The following PLEKHG4B variants were observed in gnomAD, a reference collection of about 807,000 sequenced individuals.
PLEKHG4B encodes the protein pleckstrin homology and RhoGEF domain containing G4B.
In PLEKHG4B, 111 loss-of-function variants were observed where a neutral mutation model predicts 121.3. The ratio of observed to expected loss-of-function variants is 0.92; its 90% CI spans 0.78 to 1.07. The LOEUF (loss-of-function observed/expected upper bound fraction) is 1.07. Among genes scored for constraint, PLEKHG4B ranks in the 50% least tolerant of loss-of-function variants. PLEKHG4B has a pLI of 0.00. For synonymous variants in PLEKHG4B, 738 were observed against 725.0 expected (o/e 1.02, Z -0.29); for missense variants, 1,831 against 1,757.8 (o/e 1.04, Z -0.74).
In PLEKHG4B at chr5:162,755, G is replaced by T; in HGVS notation, c.2683G>T (p.Ala895Ser). 6.8e-7 allele frequency: 1 copy of T among 1,467,108 alleles called. No homozygotes were observed. Among genetic ancestry groups the T allele is most frequent in the Non-Finnish European group, 9.0e-7 (1 of 1,108,956 alleles). 90.9% of individuals were successfully genotyped at this position (1,467,108 alleles called of 1,614,324 possible). Residue 895 changes from alanine (A) to serine (S), a missense_variant, in exon 13 of 20, where the codon GCT becomes TCT. By Grantham distance (99) the Ala-to-Ser change is moderately conservative. Coordinates refer to ENST00000637938, the MANE Select transcript of PLEKHG4B (RefSeq NM_052909.5). ...SSWMGPLDPE[A>S]CPSSPVAECL... Reference sequence around the variant, plus strand: ...CTGGATGGGGCCCCTGGACCCGGAGGCTTGTCCCTCCTCACCCGTGGCTGA... The same window carrying T: ...CTGGATGGGGCCCCTGGACCCGGAGTCTTGTCCCTCCTCACCCGTGGCTGA...
Position 185,026 on chromosome 5 carries a change from G to T in PLEKHG4B, c.*2703G>T, listed in dbSNP as rs954158764. On this transcript the variant is annotated 3_prime_UTR_variant, in exon 20 of 20. Coordinates refer to ENST00000637938, the MANE Select transcript of PLEKHG4B (RefSeq NM_052909.5). ...GGGGTATCACTTGAAGGTAGATTGT[G>T]GTAAGCTAAAGATGTACTGATAAAC... 2.6e-5 allele frequency: 4 copies of T among 152,118 alleles called. No homozygotes were observed. The highest frequency in any genetic ancestry group is 3.8e-4 in the East Asian group (2 of 5,202). The allele number at this position is 152,118 out of a possible 1,614,324, so 9.4% of individuals were successfully genotyped here. A position where few individuals can be genotyped will look rare whatever the true frequency, so the allele number is the denominator to read the frequency against.
rs1264361504 is a variant in PLEKHG4B, at chr5:158,473, T to C, written c.2487+1562T>C. On this transcript the variant is annotated intron_variant, in intron 11 of 19. Transcript: ENST00000637938. Reference sequence around the variant, plus strand: ...CCGTCCTGGGAGTCTCCCCCATCTCTCCTCCCACTGCCTATTCTGGGGGTC... The same window carrying C: ...CCGTCCTGGGAGTCTCCCCCATCTCCCCTCCCACTGCCTATTCTGGGGGTC... 3.6e-4 allele frequency among the ~76,000 whole-genome samples: 43 copies of C among 120,944 alleles called. 3 individuals carry two copies. The Admixed American group carries it at 3.6e-3, about 10-fold the overall frequency. 79.3% of individuals were successfully genotyped at this position (120,944 alleles called of 152,430 possible).
At position 164,517 on chromosome 5, in the gene PLEKHG4B, A is replaced by G. The variant is rs1238013327; in HGVS notation, c.3476+969A>G. Among the ~76,000 whole-genome samples the G allele has an allele frequency of 3.1e-5, 3 of 95,448 alleles. 1 individual carries two copies. The highest frequency in any genetic ancestry group is 6.4e-5 in the Non-Finnish European group (3 of 47,006). 62.6% of individuals were successfully genotyped at this position (95,448 alleles called of 152,430 possible). A position where few individuals can be genotyped will look rare whatever the true frequency, so the allele number is the denominator to read the frequency against. ...TGCTCTGACAGGGGGCGGAGCTCACACAGTAATGCTGTGACAGGGGGCGGA... is the reference window on the plus strand; with the variant it reads ...TGCTCTGACAGGGGGCGGAGCTCACGCAGTAATGCTGTGACAGGGGGCGGA... On this transcript the variant is annotated intron_variant, in intron 13 of 19. Coordinates refer to ENST00000637938, the MANE Select transcript of PLEKHG4B (RefSeq NM_052909.5).
rs1733499930 is a variant in PLEKHG4B at position 183,579 on chromosome 5, TACAAAAAATTAGCCGGGCATGGTGTTG to T, written c.*1257_*1283del. On this transcript the variant is annotated 3_prime_UTR_variant, in exon 20 of 20. Coordinates refer to ENST00000637938, the MANE Select transcript of PLEKHG4B (RefSeq NM_052909.5). ...ATGGTGAAACCCCGCCTACTAAAAA[TACAAAAAATTAGCCGGGCATGGTGTTG>T]GCCGCCTGTAGTCCCAGCTACTTGG... 6.6e-6 allele frequency: 1 copy of T among 152,062 alleles called. No homozygotes were observed. Among genetic ancestry groups the T allele is most frequent in the Non-Finnish European group, 1.5e-5 (1 of 68,018 alleles). The allele number at this position is 152,062 out of a possible 1,614,324, so 9.4% of individuals were successfully genotyped here.
intron 18 of PLEKHG4B, among the ~76,000 whole-genome samples, chr5:180,181 G>A (rs188305053): frequency 5.3e-5 from 8 of 152,304 alleles, no homozygotes. Flanking sequence ...CCGGGCTGGT[G>A]TCTTCACCTC....
intron 2 of PLEKHG4B, among the ~76,000 whole-genome samples, chr5:129,716 A>G (rs914803908): frequency 2.6e-5 from 4 of 152,224 alleles, no homozygotes; most frequent in Admixed American, 2.0e-4. Context: ...GCTCCCAAAG[A>G]GGAAATAAGC....
At chr5:120,789 T>C (rs956643903) in intron 2 of PLEKHG4B, among the ~76,000 whole-genome samples, 56 of 152,344 alleles carry the variant, frequency 3.7e-4, no homozygotes, top group African/African-American at 1.3e-3. Context: ...TATCAGTTCA[T>C]AAATAACAGC....
intron 16 of PLEKHG4B, among the ~76,000 whole-genome samples, chr5:171,831 G>A (rs1736564304): frequency 6.6e-6 from 1 of 152,262 alleles, no homozygotes; most frequent in South Asian, 2.1e-4. Context: ...AGGCACTAGG[G>A]CCAGGGCGTG....
intron 5 of PLEKHG4B, 74 bp from the exon 6 acceptor site, chr5:144,753 C>T: frequency 1.5e-6 from 2 of 1,316,906 alleles, no homozygotes; most frequent in Non-Finnish European, 2.2e-6. Context: ...CAACTAGCCT[C>T]AGAGGTGGAG....
intron 13 of PLEKHG4B, among the ~76,000 whole-genome samples, chr5:164,002 C>T (rs141742068): frequency 0.011 from 1,684 of 152,358 alleles, 30 homozygotes; most frequent in African/African-American, 0.038. Flanking sequence ...CTGCAAAGGA[C>T]GCGTCCACTC....
chr5:122,631 G>C (rs1669718059), intron 2 of PLEKHG4B, among the ~76,000 whole-genome samples: 1 of 151,922 alleles, frequency 6.6e-6, no homozygotes, highest in South Asian at 2.1e-4. Flanking sequence ...ATGTTGGCCA[G>C]GCTGGTCAGA....
Position 143,085 on chromosome 5 carries a change from G to A in PLEKHG4B, c.1516G>A (p.Gly506Ser), listed in dbSNP as rs371569763. 1.2e-5 allele frequency: 20 copies of A among 1,613,142 alleles called. No homozygotes were observed. The highest frequency in any genetic ancestry group is 2.2e-5 in the South Asian group (2 of 91,074). ...ASSACVSTDG[G>S]SLHCHNPSGP... is the part of the protein sequence containing the mutation. ...CTCAGCCTGTGTCAGCACAGACGGC[G>A]GCAGCCTCCATTGCCACAACCCCAG... Residue 506 changes from glycine to serine, a missense_variant, in exon 4 of 20, where the codon GGC becomes AGC. Gly to Ser is a moderately conservative substitution (Grantham distance 56). Transcript: ENST00000637938.
At position 113,367 on chromosome 5, in the gene PLEKHG4B, C is replaced by T. The variant is rs531003190; in HGVS notation, c.162C>T (p.His54=). Residue 54 remains histidine, a synonymous_variant, in exon 2 of 20, where the codon CAC becomes CAT. Coordinates refer to ENST00000637938, the MANE Select transcript of PLEKHG4B (RefSeq NM_052909.5). The surrounding 1 kb of genome is among the most constrained non-coding windows in gnomAD (Gnocchi z 5.2). ...WQLFSVAERC[H]GGDGLHCLTS... The stretch of plus-strand genomic sequence containing the variant: ...TGTTCAGCGTGGCCGAGAGGTGCCA[C>T]GGTGGGGACGGGCTGCACTGCCTCA... The T allele has an allele frequency of 5.0e-5, 20 of 399,176 alleles. No homozygotes were observed. The highest frequency in any genetic ancestry group is 3.5e-4 in the Admixed American group (8 of 22,744). The allele number at this position is 399,176 out of a possible 1,614,324, so 24.7% of individuals were successfully genotyped here.
chr5:188,262 T>C lies in PLEKHG4B; in HGVS notation c.*5939T>C, dbSNP rs975765016. On this transcript the variant is annotated 3_prime_UTR_variant, in exon 20 of 20. Coordinates refer to ENST00000637938, the MANE Select transcript of PLEKHG4B (RefSeq NM_052909.5). ...AAGGTCACCCACGTGGGGGCTTTGTTACTCATGCTTCCCAGACTGCGTGCT... is the reference window on the plus strand; with the variant it reads ...AAGGTCACCCACGTGGGGGCTTTGTCACTCATGCTTCCCAGACTGCGTGCT... 6.6e-6 allele frequency: 1 copy of C among 152,402 alleles called. No homozygotes were observed. Among genetic ancestry groups the C allele is most frequent in the African/African-American group, 2.4e-5 (1 of 41,460 alleles). 9.4% of individuals were successfully genotyped at this position (152,402 alleles called of 1,614,324 possible). A position where few individuals can be genotyped will look rare whatever the true frequency, so the allele number is the denominator to read the frequency against.
intron 9 of PLEKHG4B, 92 bp downstream of exon 9, chr5:155,535 C>A: frequency 2.1e-6 from 2 of 962,432 alleles, no homozygotes; most frequent in Non-Finnish European, 3.4e-6. Flanking sequence ...ATATTTGGTT[C>A]ACTATCATCT....
In PLEKHG4B at chr5:163,544, G is replaced by T. The variant is rs768415765; in HGVS notation, c.3472G>T (p.Gly1158Cys). The T allele has an allele frequency of 6.3e-7, 1 of 1,588,752 alleles. No individual in the cohort carries two copies. The highest frequency in any genetic ancestry group is 8.6e-7 in the Non-Finnish European group (1 of 1,167,364). Residue 1158 changes from glycine (G) to cysteine (C), a missense_variant, in exon 13 of 20, where the codon GGC becomes TGC. Transcript: ENST00000637938. ...TGAGGAGGATGGGAGGCAGCAGGTG[G>T]GCAGGTGAGGTGGACGTCCCCCTCC... The part of the protein sequence containing the change: ...PAEEDGRQQV[G>C]SSRLRHIMAE...
At chr5:154,294 G>A (rs1224315629) in intron 7 of PLEKHG4B, among the ~76,000 whole-genome samples, 3 of 152,128 alleles carry the variant, frequency 2.0e-5, no homozygotes, top group Non-Finnish European at 4.4e-5. Context: ...ATGAGCCACC[G>A]TGCCCAGCCC....
chr5:128,693 A>G (rs961029051), intron 2 of PLEKHG4B, among the ~76,000 whole-genome samples: 1 of 152,226 alleles, frequency 6.6e-6, no homozygotes, highest in African/African-American at 2.4e-5. Flanking sequence ...TATGGCAGAC[A>G]GATTCTGCCA....
intron 2 of PLEKHG4B, among the ~76,000 whole-genome samples, chr5:116,805 G>A (rs905566862): frequency 6.6e-6 from 1 of 152,202 alleles, no homozygotes; most frequent in East Asian, 1.9e-4. Flanking sequence ...AGAATGACAG[G>A]GCTAGGGGAG....
Sources: gnomAD v4.1 joint callset for allele counts (sites outside exome capture counted in the v4.1 genomes callset) on GRCh38, gnomAD v4.1.1 for gene constraint, Gnocchi (gnomAD v3.1) non-coding constraint, MANE v1.5 for transcripts, NCBI Gene and HGNC (gene_info 2026-07-23, HGNC 2026-07-21) for gene names.